MBTPS1: variants seen among roughly 807,000 people sequenced by gnomAD.
MBTPS1 encodes membrane bound transcription factor peptidase, site 1.
A neutral mutation model predicts 127.8 loss-of-function variants in MBTPS1; 94 were observed. That is an observed-to-expected ratio of 0.74 (90% CI 0.62 to 0.87). The LOEUF is 0.87. MBTPS1 is among the 40% of genes least tolerant of loss of function. The pLI is 0.00. For missense variants in MBTPS1, 1,636 were observed against 1,353.2 expected (o/e 1.21, Z -3.28); for synonymous variants, 632 against 509.4 (o/e 1.24, Z -3.24).
chr16:84,054,190 T>C lies in MBTPS1; in HGVS notation c.*259A>G. On this transcript the variant is annotated 3_prime_UTR_variant, in exon 23 of 23. Transcript: ENST00000343411. The stretch of plus-strand genomic sequence containing the variant: ...AGCCTTTCCAGTTCTCCCGAGTCTT[T>C]GGTGCGCACAGCTGCCGGCGGGAAG... 2 of 325,062 alleles carry C rather than the reference T, an allele frequency of 6.2e-6. No individual in the cohort carries two copies. The allele number at this position is 325,062 out of a possible 1,614,324, so 20.1% of individuals were successfully genotyped here.
intron 4 of MBTPS1, among the ~76,000 whole-genome samples, chr16:84,094,354 G>T (rs115316253): frequency 6.6e-6 from 1 of 152,128 alleles, no homozygotes; most frequent in Admixed American, 6.5e-5. Context: ...AAACTCTGCC[G>T]CAAGGAACAA....
At chr16:84,103,131 T>C (rs1021313872) in intron 1 of MBTPS1, among the ~76,000 whole-genome samples, 4 of 152,258 alleles carry the variant, frequency 2.6e-5, no homozygotes, top group South Asian at 4.1e-4. Context: ...ATGCTGGCTG[T>C]AGCATAACCA....
chr16:84,111,461 A>C (rs2086395439), intron 1 of MBTPS1, among the ~76,000 whole-genome samples: 1 of 152,132 alleles, frequency 6.6e-6, no homozygotes, highest in Non-Finnish European at 1.5e-5. Context: ...GAATCACTTG[A>C]ACCCGGGAGG....
intron 12 of MBTPS1, among the ~76,000 whole-genome samples, chr16:84,072,788 AG>A (rs2085791049): frequency 6.6e-6 from 1 of 152,020 alleles, no homozygotes; most frequent in Non-Finnish European, 1.5e-5. Context: ...ACTCCGTCTC[AG>A]AAAAAAAAAG....
In MBTPS1 at chr16:84,054,322, C is replaced by G; in HGVS notation, c.*127G>C. The G allele has an allele frequency of 1.3e-6, 1 of 798,144 alleles. No homozygotes were observed. The allele number at this position is 798,144 out of a possible 1,614,324, so 49.4% of individuals were successfully genotyped here. A position where few individuals can be genotyped will look rare whatever the true frequency, so the allele number is the denominator to read the frequency against. ...CACAGGAGGGCAGGCCCATGTAGAA[C>G]AGACTCTAACAAACCTGCAGCTGGA... On this transcript the variant is annotated 3_prime_UTR_variant, in exon 23 of 23. Transcript: ENST00000343411.
At chr16:84,073,131 G>A (rs1285510698) in intron 12 of MBTPS1, among the ~76,000 whole-genome samples, 1 of 152,124 alleles carries the variant, frequency 6.6e-6, no homozygotes, top group Non-Finnish European at 1.5e-5. Flanking sequence ...CATGCATATA[G>A]TTGAATTTTT....
Position 84,085,089 on chromosome 16 carries a change from A to G in MBTPS1, c.1180T>C (p.Tyr394His), listed in dbSNP as rs765836839. Residue 394 changes from tyrosine (Y) to histidine (H), a missense_variant, in exon 10 of 23, where the codon TAT becomes CAT. By Grantham distance (83) the Tyr-to-His change is moderately conservative (BLOSUM62 2). Coordinates refer to ENST00000343411, the MANE Select transcript of MBTPS1 (RefSeq NM_003791.4). ...CCAGAACCCCGCACGCCAGCACCATAGGTGACAATGTCAGGTTTCATGCGA... is the reference window on the plus strand; with the variant it reads ...CCAGAACCCCGCACGCCAGCACCATGGGTGACAATGTCAGGTTTCATGCGA... Reference protein sequence around the residue: ...YGRMKPDIVTYGAGVRGSGVK... With the variant: ...YGRMKPDIVTHGAGVRGSGVK... 8.1e-6 allele frequency: 13 copies of G among 1,614,182 alleles called. No homozygotes were observed. The highest frequency in any genetic ancestry group is 1.1e-5 in the Non-Finnish European group (13 of 1,180,012).
intron 6 of MBTPS1, among the ~76,000 whole-genome samples, 191 bp downstream of exon 6, chr16:84,092,997 G>A (rs2086130363): frequency 6.6e-6 from 1 of 152,222 alleles, no homozygotes; most frequent in South Asian, 2.1e-4. Flanking sequence ...GGTCGACACA[G>A]TGGTTGGTGG....
At chr16:84,101,075 C>A (rs1029255224) in intron 2 of MBTPS1, among the ~76,000 whole-genome samples, 1 of 151,042 alleles carries the variant, frequency 6.6e-6, no homozygotes, top group African/African-American at 2.4e-5. Context: ...CCAAGGCAGG[C>A]GGATCACGAG....
At chr16:84,071,862 C>A (rs912192231) in intron 12 of MBTPS1, 1 of 152,168 alleles carries the variant, frequency 6.6e-6, no homozygotes, top group African/African-American at 2.4e-5. Flanking sequence ...ACAGGGCGAT[C>A]ATGTTAGGAT....
At chr16:84,114,290 A>T (rs1170250806) in intron 1 of MBTPS1, among the ~76,000 whole-genome samples, 1 of 152,066 alleles carries the variant, frequency 6.6e-6, no homozygotes, top group Non-Finnish European at 1.5e-5. Flanking sequence ...GTATTCTTAC[A>T]TCCGATGCAA....
chr16:84,080,651 G>A (rs2085927154), intron 11 of MBTPS1, among the ~76,000 whole-genome samples: 2 of 152,266 alleles, frequency 1.3e-5, no homozygotes, highest in East Asian at 1.9e-4. Flanking sequence ...CACCAGGGCA[G>A]GCCCATTCTG....
intron 19 of MBTPS1, among the ~76,000 whole-genome samples, chr16:84,062,172 G>T (rs1340829961): frequency 2.0e-5 from 3 of 152,120 alleles, no homozygotes; most frequent in Non-Finnish European, 4.4e-5. Context: ...CCAGGCTGGA[G>T]TGCAGTGGCA....
intron 10 of MBTPS1, 114 bp downstream of exon 10, chr16:84,084,869 C>T (rs1165236786): frequency 1.8e-6 from 2 of 1,090,328 alleles, no homozygotes; most frequent in Admixed American, 2.4e-5. Flanking sequence ...CTGTGAAGGG[C>T]CTAAGCTCTC....
rs535014285 is a variant in MBTPS1 at position 84,115,217 on chromosome 16, C to T, written c.-325+1518G>A. ...GTGGGATTACAGGCGTGAGCCACCG[C>T]GCCCGGCCCAGCCTTCCTAGTTCTT... On this transcript the variant is annotated intron_variant, in intron 1 of 22. Coordinates refer to ENST00000343411, the MANE Select transcript of MBTPS1 (RefSeq NM_003791.4). Among the ~76,000 whole-genome samples, 7 of 152,326 alleles carry T rather than the reference C, an allele frequency of 4.6e-5. No individual in the cohort carries two copies. The South Asian group carries it at 6.2e-4, about 14-fold the overall frequency.
Position 84,054,407 on chromosome 16 carries a change from G to T in MBTPS1, c.*42C>A. On this transcript the variant is annotated 3_prime_UTR_variant, in exon 23 of 23. Coordinates refer to ENST00000343411, the MANE Select transcript of MBTPS1 (RefSeq NM_003791.4). ...CTCGGCTCACCCACCAGCGCCGTCC[G>T]TGAAGGCTCTCTCTGGCCCTCACGG... 2.6e-6 allele frequency: 4 copies of T among 1,531,034 alleles called. No individual in the cohort carries two copies. The highest frequency in any genetic ancestry group is 3.5e-6 in the Non-Finnish European group (4 of 1,136,458). The allele number at this position is 1,531,034 out of a possible 1,614,324, so 94.8% of individuals were successfully genotyped here.
At position 84,054,227 on chromosome 16, in the gene MBTPS1, G is replaced by C. The variant is rs1317405793; in HGVS notation, c.*222C>G. 5.3e-6 allele frequency: 2 copies of C among 379,914 alleles called. No individual in the cohort carries two copies. The highest frequency in any genetic ancestry group is 7.9e-5 in the East Asian group (2 of 25,200). The allele number at this position is 379,914 out of a possible 1,614,324, so 23.5% of individuals were successfully genotyped here. On this transcript the variant is annotated 3_prime_UTR_variant, in exon 23 of 23. Coordinates refer to ENST00000343411, the MANE Select transcript of MBTPS1 (RefSeq NM_003791.4). ...CTGCCGGCGGGAAGTCTCACTGGCG[G>C]CAGAGCCACTAAGTCCCTCCTGACG...
rs780500470 is a variant in MBTPS1, at chr16:84,099,276, G to C, written c.198C>G (p.Ala66=). 1.9e-6 allele frequency: 3 copies of C among 1,613,960 alleles called. No homozygotes were observed. In the South Asian group the frequency reaches 3.3e-5, roughly 18 times the overall value. ...YIVAFNGYFT[A]KARNSFISSA... is the part of the protein sequence containing the mutation. ...TTGAAATAAATGAATTTCTAGCTTT[G>C]GCTGTAAAGTATCCATTGAAAGCCA... The change falls in exon 3 of 23, where the codon GCC becomes GCG. Residue 66 remains alanine, a synonymous_variant. Transcript: ENST00000343411.
intron 7 of MBTPS1, among the ~76,000 whole-genome samples, chr16:84,091,150 C>A (rs2086100449): frequency 6.6e-6 from 1 of 152,188 alleles, no homozygotes; most frequent in Admixed American, 6.5e-5. Context: ...CAGATGCTGA[C>A]TTTCTAGTCA....
Sources: allele counts gnomAD v4.1 joint callset (sites outside exome capture counted in the v4.1 genomes callset), GRCh38; gene constraint gnomAD v4.1.1; transcripts MANE v1.5; gene names NCBI Gene and HGNC (gene_info 2026-07-23, HGNC 2026-07-21).